The following SFMBT2 variants were observed in gnomAD, a reference collection of about 807,000 sequenced individuals.
SFMBT2 encodes the protein scm-like with four MBT domains protein 2.
Under a neutral mutation model 110.1 loss-of-function variants are expected in SFMBT2, and 38 were observed. That is an observed-to-expected ratio of 0.35 (90% CI 0.27 to 0.45). The LOEUF (loss-of-function observed/expected upper bound fraction) is 0.45. SFMBT2 is among the 20% of genes least tolerant of loss of function. The pLI, the probability that SFMBT2 is intolerant of heterozygous loss-of-function variation, is 1.00. For missense variants in SFMBT2, 1,011 were observed against 1,094.9 expected (o/e 0.92, Z 1.08); for synonymous variants, 425 against 425.4 (o/e 1.00, Z 0.01).
chr10:7,187,502 C>A (rs1287831693), intron 16 of SFMBT2, among the ~76,000 whole-genome samples: 7 of 152,284 alleles, frequency 4.6e-5, no homozygotes, highest in African/African-American at 1.7e-4. Flanking sequence ...TGCAAATAAA[C>A]CCTCTTCTTA....
chr10:7,363,380 G>A (rs972147744), intron 4 of SFMBT2, among the ~76,000 whole-genome samples: 23 of 150,020 alleles, frequency 1.5e-4, no homozygotes, highest in African/African-American at 4.4e-4. Flanking sequence ...ATGGAGTCTC[G>A]CCCTGTTGCC....
At chr10:7,317,055 C>T (rs1176981097) in intron 4 of SFMBT2, among the ~76,000 whole-genome samples, 1 of 152,120 alleles carries the variant, frequency 6.6e-6, no homozygotes, top group Non-Finnish European at 1.5e-5. Flanking sequence ...AAATTCTGGT[C>T]GTGTCCCCCT....
At position 7,367,960 on chromosome 10, in the gene SFMBT2, C is replaced by T; in HGVS notation, c.196-71G>A. The T allele has an allele frequency of 1.3e-6, 2 of 1,551,276 alleles. No individual in the cohort carries two copies. Among genetic ancestry groups the T allele is most frequent in the Non-Finnish European group, 1.7e-6 (2 of 1,149,172 alleles). On this transcript the variant is annotated intron_variant, in intron 3 of 20. Transcript: ENST00000397167. This position sits in a 1 kb window ranked among gnomAD's most constrained non-coding sequence, Gnocchi z 6.2. ...AATACATCCAGAAGATGACAAAAACCACTAAAAAATATGGCACTTACAAAC... is the reference window on the plus strand; with the variant it reads ...AATACATCCAGAAGATGACAAAAACTACTAAAAAATATGGCACTTACAAAC...
chr10:7,377,756 G>A (rs1220917750), intron 2 of SFMBT2, among the ~76,000 whole-genome samples: 1 of 152,156 alleles, frequency 6.6e-6, no homozygotes, highest in Non-Finnish European at 1.5e-5. Context: ...CAATACAGAT[G>A]AAACTCAGCT....
In SFMBT2 at chr10:7,322,183, T is replaced by C. The variant is rs140419926; in HGVS notation, c.437-36229A>G. 6.7e-3 allele frequency among the ~76,000 whole-genome samples: 1,021 copies of C among 152,310 alleles called. 6 individuals are homozygous for C. The highest frequency in any genetic ancestry group is 0.022 in the African/African-American group (930 of 41,568). The stretch of plus-strand genomic sequence containing the variant: ...CCTATTCTGTTCTACTGATGGTGAA[T>C]GAGTCTCACTAAATCTGATGGTTTT... On this transcript the variant is annotated intron_variant, in intron 4 of 20. Transcript: ENST00000397167.
At chr10:7,378,055 A>ATGGG (rs1845297285) in intron 2 of SFMBT2, among the ~76,000 whole-genome samples, 2 of 138,314 alleles carry the variant, frequency 1.4e-5, no homozygotes, top group Non-Finnish European at 3.0e-5. Flanking sequence ...GGATGGATGG[A>ATGGG]TGTGAGTGTG....
Position 7,220,420 on chromosome 10 carries a change from G to A in SFMBT2, c.1321C>T (p.His441Tyr), listed in dbSNP as rs576691840. 272 of 1,613,954 alleles carry A rather than the reference G, an allele frequency of 1.7e-4. 6 individuals carry two copies. The South Asian group carries it at 2.3e-3, about 14-fold the overall frequency. ...VSVKGRLMWL[H>Y]LEGLQTPVPE... is the part of the protein sequence containing the mutation. ...CCCAGCGAGTACGTACCTTCCAGGT[G>A]AAGCCACATTAGCCGCCCCTTCACA... The change falls in exon 11 of 21, where the codon CAC becomes TAC. Residue 441 changes from histidine to tyrosine, a missense_variant. Physicochemically the swap from His to Tyr is moderately conservative, Grantham distance 83 (BLOSUM62 2). Coordinates refer to ENST00000397167, the MANE Select transcript of SFMBT2 (RefSeq NM_001387889.1).
intron 1 of SFMBT2, among the ~76,000 whole-genome samples, chr10:7,389,334 T>A (rs1032293264): frequency 6.6e-6 from 1 of 152,088 alleles, no homozygotes; most frequent in African/African-American, 2.4e-5. Context: ...TTTTCCTAAC[T>A]ACAACACCCT....
In SFMBT2 at chr10:7,223,771, C is replaced by G. The variant is rs150391755; in HGVS notation, c.1204-3234G>C. Among the ~76,000 whole-genome samples, 443 of 152,166 alleles carry G rather than the reference C, an allele frequency of 2.9e-3. 3 individuals carry two copies. The highest frequency in any genetic ancestry group is 0.01 in the African/African-American group (422 of 41,506). ...GTTCTTAAACTTTAGGATCAGAATC[C>G]CCTTGAAAATCTTTTAAAAATATAA... On this transcript the variant is annotated intron_variant, in intron 10 of 20. Coordinates refer to ENST00000397167, the MANE Select transcript of SFMBT2 (RefSeq NM_001387889.1).
intron 7 of SFMBT2, among the ~76,000 whole-genome samples, chr10:7,256,656 C>T (rs1030036489): frequency 5.3e-5 from 8 of 152,168 alleles, no homozygotes; most frequent in African/African-American, 1.7e-4. Flanking sequence ...CCATCGATAC[C>T]GACTTCCATG....
At chr10:7,322,314 G>A (rs973697959) in intron 4 of SFMBT2, among the ~76,000 whole-genome samples, 1 of 152,196 alleles carries the variant, frequency 6.6e-6, no homozygotes, top group Admixed American at 6.5e-5. Context: ...CCCCAGCCAT[G>A]TGAAACTCTG....
chr10:7,237,377 G>GA (rs1474950539), intron 9 of SFMBT2, among the ~76,000 whole-genome samples: 22 of 152,296 alleles, frequency 1.4e-4, no homozygotes, highest in Non-Finnish European at 2.5e-4. Flanking sequence ...AAAAAAATCT[G>GA]AAAAATGTTA....
rs951696963 is a variant in SFMBT2 at position 7,172,213 on chromosome 10, T to C, written c.2152-55A>G. The C allele has an allele frequency of 1.3e-6, 2 of 1,507,998 alleles. No individual in the cohort carries two copies. The highest frequency in any genetic ancestry group is 8.9e-7 in the Non-Finnish European group (1 of 1,128,988). 93.4% of individuals were successfully genotyped at this position (1,507,998 alleles called of 1,614,324 possible). On this transcript the variant is annotated intron_variant, in intron 18 of 20. Coordinates refer to ENST00000397167, the MANE Select transcript of SFMBT2 (RefSeq NM_001387889.1). The surrounding 1 kb of genome is among the most constrained non-coding windows in gnomAD (Gnocchi z 4.6). The stretch of plus-strand genomic sequence containing the variant: ...CTGGTGGCCCGGGGGCCTGTAGCGG[T>C]GGCCCCGCGGTCAGACCCTGGGCCC...
rs1554812962 is a variant in SFMBT2 at position 7,384,238 on chromosome 10, A to AAAAAAAAAAAAT, written c.-51-2290_-51-2289insATTTTTTTTTTT. Among the ~76,000 whole-genome samples the AAAAAAAAAAAAT allele has an allele frequency of 3.0e-4, 43 of 145,408 alleles. 1 individual carries two copies. The highest frequency in any genetic ancestry group is 5.8e-4 in the Non-Finnish European group (38 of 64,974). ...AAAAAAAAAAAAAAAAAAAAAAAAA[A>AAAAAAAAAAAAT]CAACCACAGAAAGGACAAATAAGTA... On this transcript the variant is annotated intron_variant, in intron 1 of 20. Transcript: ENST00000397167.
chr10:7,161,875 A>G lies in SFMBT2; in HGVS notation c.*1895T>C, dbSNP rs1837558847. 6.6e-6 allele frequency: 1 copy of G among 152,204 alleles called. No homozygotes were observed. Among genetic ancestry groups the G allele is most frequent in the Non-Finnish European group, 1.5e-5 (1 of 68,048 alleles). The allele number at this position is 152,204 out of a possible 1,614,324, so 9.4% of individuals were successfully genotyped here. On this transcript the variant is annotated 3_prime_UTR_variant, in exon 21 of 21. Coordinates refer to ENST00000397167, the MANE Select transcript of SFMBT2 (RefSeq NM_001387889.1). Reference sequence around the variant, plus strand: ...AAGCAGCTCATCAGCCCACCGCAGAATTTTACTGGAACTGTGGAGACTCTA... The same window carrying G: ...AAGCAGCTCATCAGCCCACCGCAGAGTTTTACTGGAACTGTGGAGACTCTA...
intron 11 of SFMBT2, among the ~76,000 whole-genome samples, chr10:7,212,743 A>T (rs1839391355): frequency 6.6e-6 from 1 of 152,212 alleles, no homozygotes; most frequent in Non-Finnish European, 1.5e-5. Flanking sequence ...CACATCCAGG[A>T]AGCATATGTG....
intron 16 of SFMBT2, among the ~76,000 whole-genome samples, chr10:7,187,994 G>A (rs540670998): frequency 2.1e-4 from 32 of 152,266 alleles, no homozygotes; most frequent in Middle Eastern, 3.4e-3. Context: ...CTTTTTCTAT[G>A]TGCCTAAACA....
At chr10:7,272,395 A>G (rs1841614785) in intron 7 of SFMBT2, among the ~76,000 whole-genome samples, 2 of 152,242 alleles carry the variant, frequency 1.3e-5, no homozygotes, top group South Asian at 2.1e-4. Flanking sequence ...AGAAAAGCTG[A>G]GCACCAACAC....
chr10:7,262,268 A>T (rs896393908), intron 7 of SFMBT2, among the ~76,000 whole-genome samples: 2 of 152,252 alleles, frequency 1.3e-5, no homozygotes, highest in Non-Finnish European at 2.9e-5. Context: ...AGCCACCTCC[A>T]AACAATTTTA....
Sources: gnomAD v4.1 joint callset for allele counts (sites outside exome capture counted in the v4.1 genomes callset) on GRCh38, gnomAD v4.1.1 for gene constraint, Gnocchi (gnomAD v3.1) non-coding constraint, MANE v1.5 for transcripts, NCBI Gene and HGNC (gene_info 2026-07-23, HGNC 2026-07-21) for gene names.